The following KIAA1671 variants were observed in gnomAD, a reference collection of about 807,000 sequenced individuals.
The protein encoded by KIAA1671 is KIAA1671, also known as uncharacterized protein KIAA1671.
Under a neutral mutation model 131.2 loss-of-function variants are expected in KIAA1671, and 52 were observed. That is an observed-to-expected ratio of 0.40 (90% CI 0.32 to 0.50). The LOEUF is 0.50. Ranked by LOEUF, KIAA1671 falls within the 20% of genes least tolerant of loss-of-function variation. The pLI, the probability that KIAA1671 is intolerant of heterozygous loss-of-function variation, is 0.73. For missense variants in KIAA1671, 2,360 were observed against 2,364.2 expected, an observed-to-expected ratio of 1.00 and a Z score of 0.04; for synonymous variants, 1,003 against 961.6, an observed-to-expected ratio of 1.04 and a Z score of -0.80.
chr22:25,133,651 T>G (rs1932548165), intron 6 of KIAA1671, among the ~76,000 whole-genome samples: 1 of 152,204 alleles, frequency 6.6e-6, no homozygotes, highest in African/African-American at 2.4e-5. Flanking sequence ...TGGGCGACCC[T>G]CCTGCCTCAG....
chr22:24,988,280 CAAA>C (rs59935051), intron 1 of KIAA1671, among the ~76,000 whole-genome samples: 8 of 89,292 alleles, frequency 9.0e-5, no homozygotes, highest in Admixed American at 1.3e-4. Flanking sequence ...AACTCCATCT[CAAA>C]AAAAAAAAAA....
chr22:24,965,893 A>G (rs73879172), intron 1 of KIAA1671, among the ~76,000 whole-genome samples: 1 of 152,320 alleles, frequency 6.6e-6, no homozygotes, highest in African/African-American at 2.4e-5. Context: ...ATAAAAAGTA[A>G]AAACTAACAC....
intron 5 of KIAA1671, among the ~76,000 whole-genome samples, chr22:25,048,131 G>A (rs1927346540): frequency 6.6e-6 from 1 of 152,224 alleles, no homozygotes. Context: ...GGGGATGGAT[G>A]GGCAAGGTGT....
At chr22:25,137,606 C>T (rs1932733253) in intron 6 of KIAA1671, among the ~76,000 whole-genome samples, 1 of 152,224 alleles carries the variant, frequency 6.6e-6, no homozygotes, top group South Asian at 2.1e-4. Flanking sequence ...TCAAAGCTGT[C>T]CCCGATTGTT....
chr22:25,135,128 G>A (rs1932616048), intron 6 of KIAA1671, among the ~76,000 whole-genome samples: 1 of 152,126 alleles, frequency 6.6e-6, no homozygotes, highest in South Asian at 2.1e-4. Flanking sequence ...AGAATTTGAG[G>A]GCTAGTCTGC....
At chr22:25,044,777 T>C (rs1404118781) in intron 5 of KIAA1671, among the ~76,000 whole-genome samples, 1 of 152,246 alleles carries the variant, frequency 6.6e-6, no homozygotes, top group Non-Finnish European at 1.5e-5. Context: ...CCTTTCGGAC[T>C]TTCCTATATT....
intron 1 of KIAA1671, chr22:25,012,655 CTTGCT>C (rs944053483): frequency 2.6e-5 from 4 of 152,244 alleles, no homozygotes; most frequent in Admixed American, 2.0e-4. Context: ...ACCAGTGTTG[CTTGCT>C]TTAAGTAGAA....
intron 6 of KIAA1671, chr22:25,070,333 C>T (rs1396381377): frequency 6.9e-6 from 3 of 435,890 alleles, no homozygotes; most frequent in Non-Finnish European, 1.3e-5. Flanking sequence ...GGAAACCGTA[C>T]TGTGCTCACC....
chr22:25,137,057 A>G (rs1932709687), intron 6 of KIAA1671, among the ~76,000 whole-genome samples: 1 of 152,190 alleles, frequency 6.6e-6, no homozygotes, highest in Non-Finnish European at 1.5e-5. Flanking sequence ...AGCCTATAGC[A>G]GGGTACCAAG....
chr22:25,196,916 T>C lies in KIAA1671; in HGVS notation c.*4515T>C, dbSNP rs1385907928. ...TGATCGTGATCCTCCAAATGCTTTG[T>C]AAGATGGGGCAGGGCGTGGAAATAT... On this transcript the variant is annotated 3_prime_UTR_variant, in exon 13 of 13. Transcript: ENST00000358431. The C allele has an allele frequency of 6.6e-6, 1 of 152,126 alleles. No individual in the cohort carries two copies. Among genetic ancestry groups the C allele is most frequent in the Non-Finnish European group, 1.5e-5 (1 of 68,038 alleles). 9.4% of individuals were successfully genotyped at this position (152,126 alleles called of 1,614,324 possible). A position where few individuals can be genotyped will look rare whatever the true frequency, so the allele number is the denominator to read the frequency against.
At chr22:25,019,215 G>A (rs1429840340) in intron 1 of KIAA1671, among the ~76,000 whole-genome samples, 1 of 152,010 alleles carries the variant, frequency 6.6e-6, no homozygotes, top group Non-Finnish European at 1.5e-5. Flanking sequence ...GGAAGGCAGG[G>A]GTGGGATCCA....
At position 25,136,923 on chromosome 22, in the gene KIAA1671, G is replaced by A. The variant is rs569683186; in HGVS notation, c.4531-33897G>A. Among the ~76,000 whole-genome samples the A allele has an allele frequency of 5.3e-5, 8 of 152,224 alleles. No individual in the cohort carries two copies. The East Asian group carries it at 1.4e-3, about 26-fold the overall frequency. The stretch of plus-strand genomic sequence containing the variant: ...ATTTTTGAGGCATTCAGAATGATAC[G>A]GATACTTCAGGCATTAGGAAATGTG... On this transcript the variant is annotated intron_variant, in intron 6 of 12. Transcript: ENST00000358431.
chr22:25,069,494 C>T (rs1200262749), intron 6 of KIAA1671, among the ~76,000 whole-genome samples: 2 of 152,206 alleles, frequency 1.3e-5, no homozygotes, highest in South Asian at 2.1e-4. Context: ...TTGCCAGCAC[C>T]CCACTCCCCA....
At chr22:25,114,709 C>T (rs1025761527) in intron 6 of KIAA1671, among the ~76,000 whole-genome samples, 9 of 152,202 alleles carry the variant, frequency 5.9e-5, no homozygotes, top group African/African-American at 2.2e-4. Context: ...CAAACCTTTC[C>T]TCTCAAACCA....
intron 6 of KIAA1671, among the ~76,000 whole-genome samples, chr22:25,120,557 A>G (rs974771731): frequency 3.3e-5 from 5 of 152,104 alleles, no homozygotes; most frequent in African/African-American, 4.8e-5. Context: ...AAGTAATGTT[A>G]ATCTCCTTTC....
chr22:25,013,743 T>G (rs538129749), intron 1 of KIAA1671: 1 of 152,262 alleles, frequency 6.6e-6, no homozygotes, highest in Non-Finnish European at 1.5e-5. Flanking sequence ...TACACCAGGC[T>G]GGACACACAC....
At chr22:24,985,452 G>A (rs1241366072) in intron 1 of KIAA1671, among the ~76,000 whole-genome samples, 1 of 151,756 alleles carries the variant, frequency 6.6e-6, no homozygotes, top group Non-Finnish European at 1.5e-5. Flanking sequence ...CCATTCTCCT[G>A]CCTCAGCCTC....
chr22:25,093,682 GACACACAC>G (rs67802603), intron 6 of KIAA1671, among the ~76,000 whole-genome samples: 1,911 of 49,824 alleles, frequency 0.038, 93 homozygotes, highest in Middle Eastern at 0.083. Flanking sequence ...CCTGCCCCCC[GACACACAC>G]ACACACACAC....
At chr22:24,974,861 T>C (rs1292426972) in intron 1 of KIAA1671, among the ~76,000 whole-genome samples, 1 of 151,974 alleles carries the variant, frequency 6.6e-6, no homozygotes, top group African/African-American at 2.4e-5. Flanking sequence ...GCCTGGCTAA[T>C]TTTTGTATTT....
Sources: gnomAD v4.1 joint callset for allele counts (sites outside exome capture counted in the v4.1 genomes callset) on GRCh38, gnomAD v4.1.1 for gene constraint, MANE v1.5 for transcripts, NCBI Gene and HGNC (gene_info 2026-07-23, HGNC 2026-07-21) for gene names.